The following FARP1 variants were observed in gnomAD, a reference collection of about 807,000 sequenced individuals.
The protein encoded by FARP1 is FERM, ARH/RhoGEF and pleckstrin domain protein 1, also known as FERM, ARHGEF and pleckstrin domain-containing protein 1.
In FARP1, 52 loss-of-function variants were observed where a neutral mutation model predicts 128.8. The observed-to-expected ratio is 0.40, with a 90% CI of 0.32 to 0.51. The LOEUF (loss-of-function observed/expected upper bound fraction) is 0.51, where lower values mean the gene tolerates loss of function less well. FARP1 is among the 20% of genes least tolerant of loss of function. The pLI is 0.45. For missense variants in FARP1, 1,333 were observed against 1,367.9 expected (o/e 0.97, Z 0.40); for synonymous variants, 580 against 551.8 (o/e 1.05, Z -0.72).
At chr13:98,447,069 C>CTGACA in intron 26 of FARP1, 1 of 475,730 alleles carries the variant, frequency 2.1e-6, no homozygotes, top group Non-Finnish European at 3.8e-6. Flanking sequence ...TTGGAGATCT[C>CTGACA]TGACATAACG....
intron 1 of FARP1, among the ~76,000 whole-genome samples, chr13:98,195,625 C>T (rs1047390119): frequency 3.3e-5 from 5 of 152,130 alleles, no homozygotes; most frequent in Non-Finnish European, 7.3e-5. Context: ...TGTGGGTACT[C>T]AGTGTATTCT....
At chr13:98,209,099 C>T (rs905572897) in intron 1 of FARP1, among the ~76,000 whole-genome samples, 4 of 152,192 alleles carry the variant, frequency 2.6e-5, no homozygotes, top group African/African-American at 4.8e-5. Context: ...AGCTCCGCCT[C>T]CCGGGTTCAC....
At chr13:98,292,583 C>A (rs138979545) in intron 2 of FARP1, among the ~76,000 whole-genome samples, 1 of 152,194 alleles carries the variant, frequency 6.6e-6, no homozygotes, top group Admixed American at 6.5e-5. Context: ...CTCAAGGGCT[C>A]ATTAGCCATC....
chr13:98,146,722 G>A (rs1875593356), intron 1 of FARP1, among the ~76,000 whole-genome samples: 1 of 152,210 alleles, frequency 6.6e-6, no homozygotes, highest in African/African-American at 2.4e-5. Context: ...TGGAAGGACA[G>A]GCATTCCCTG....
At chr13:98,436,663 C>T (rs1367582683) in intron 19 of FARP1, among the ~76,000 whole-genome samples, 4 of 152,152 alleles carry the variant, frequency 2.6e-5, no homozygotes, top group East Asian at 3.8e-4. Context: ...CAGAACTGAC[C>T]AGAAGCCACG....
intron 1 of FARP1, among the ~76,000 whole-genome samples, chr13:98,164,080 G>A (rs1419081376): frequency 2.0e-5 from 3 of 151,568 alleles, no homozygotes; most frequent in Admixed American, 2.0e-4. Context: ...TTGCTTGACT[G>A]TACCTCCATG....
chr13:98,145,582 C>T (rs997149428), intron 1 of FARP1, among the ~76,000 whole-genome samples: 1 of 152,072 alleles, frequency 6.6e-6, no homozygotes, highest in East Asian at 1.9e-4. Flanking sequence ...AAGAAACTGT[C>T]CAAGGGGGCT....
At chr13:98,229,944 A>G (rs1035889566) in intron 2 of FARP1, among the ~76,000 whole-genome samples, 1 of 152,236 alleles carries the variant, frequency 6.6e-6, no homozygotes, top group Non-Finnish European at 1.5e-5. Context: ...GATTTATTGT[A>G]TGAGTGTTGA....
At chr13:98,208,299 C>G (rs1277096127) in intron 1 of FARP1, among the ~76,000 whole-genome samples, 1 of 144,212 alleles carries the variant, frequency 6.9e-6, no homozygotes, top group African/African-American at 2.7e-5. Flanking sequence ...TGGTGAAACC[C>G]CATCTCTACT....
At chr13:98,350,785 T>C (rs1347766612) in intron 3 of FARP1, among the ~76,000 whole-genome samples, 1 of 152,124 alleles carries the variant, frequency 6.6e-6, no homozygotes, top group Non-Finnish European at 1.5e-5. Context: ...TTCTTAGAGA[T>C]GGCAAATGGC....
At chr13:98,260,189 A>G (rs185532537) in intron 2 of FARP1, among the ~76,000 whole-genome samples, 3 of 152,250 alleles carry the variant, frequency 2.0e-5, no homozygotes. Flanking sequence ...TACAAGTTTT[A>G]CTTCACAGTC....
chr13:98,412,929 C>T (rs1450945718), intron 16 of FARP1, among the ~76,000 whole-genome samples: 2 of 152,348 alleles, frequency 1.3e-5, no homozygotes, highest in Admixed American at 1.3e-4. Context: ...TGTATCCTCA[C>T]TACCAGTGAG....
intron 16 of FARP1, among the ~76,000 whole-genome samples, chr13:98,423,523 ATGTTTTAATTGTCTCTGGGAAAT>A (rs1368096010): frequency 2.0e-5 from 3 of 152,204 alleles, no homozygotes; most frequent in African/African-American, 7.2e-5. Context: ...GTTGAAAACC[ATGTTTTAATTGTCTCTGGGAAAT>A]TCCTTTCTCA....
chr13:98,422,172 G>A (rs1333367227), intron 16 of FARP1, among the ~76,000 whole-genome samples: 4 of 152,228 alleles, frequency 2.6e-5, no homozygotes, highest in African/African-American at 7.2e-5. Flanking sequence ...GGGCTGGCCT[G>A]AAGATTAATG....
At chr13:98,329,467 G>A (rs796858535) in intron 2 of FARP1, 2 of 152,358 alleles carry the variant, frequency 1.3e-5, no homozygotes, top group African/African-American at 2.4e-5. Flanking sequence ...TTCAAGACCA[G>A]CCTGATCAAC....
intron 1 of FARP1, among the ~76,000 whole-genome samples, chr13:98,157,483 G>C (rs1461535716): frequency 2.6e-5 from 4 of 152,054 alleles, no homozygotes; most frequent in African/African-American, 9.7e-5. Context: ...CCTTCCCTAA[G>C]GCTAACGTCT....
At chr13:98,233,534 TC>T (rs1356576839) in intron 2 of FARP1, 1 of 152,082 alleles carries the variant, frequency 6.6e-6, no homozygotes, top group Non-Finnish European at 1.5e-5. Flanking sequence ...CCAGGAGGGT[TC>T]CCCAGCTGAA....
intron 2 of FARP1, among the ~76,000 whole-genome samples, chr13:98,300,822 C>T (rs1007419086): frequency 4.3e-4 from 65 of 152,286 alleles, no homozygotes; most frequent in African/African-American, 1.5e-3. Context: ...CCTGGTCAGG[C>T]ACTGAGGCTT....
rs538220366 is a variant in FARP1, at chr13:98,206,495, A to G, written c.-23-6725A>G. On this transcript the variant is annotated intron_variant, in intron 1 of 26. Coordinates refer to ENST00000319562, the MANE Select transcript of FARP1 (RefSeq NM_005766.4). ...CCATTTTTATCTGAGATCTGTAGCC[A>G]TGAGCAGCCTCTCCAAGCATTTTCC... is the stretch of plus-strand genomic sequence containing the variant. 7.2e-5 allele frequency among the ~76,000 whole-genome samples: 11 copies of G among 152,302 alleles called. 1 individual carries two copies. The South Asian group carries it at 2.1e-3, about 29-fold the overall frequency.
Sources: allele counts gnomAD v4.1 joint callset (sites outside exome capture counted in the v4.1 genomes callset), GRCh38; gene constraint gnomAD v4.1.1; transcripts MANE v1.5; gene names NCBI Gene and HGNC (gene_info 2026-07-23, HGNC 2026-07-21).